The following ATP13A4 variants were observed in gnomAD, a reference collection of about 807,000 sequenced individuals.
The protein encoded by ATP13A4 is probable cation-transporting ATPase 13A4.
Under a neutral mutation model 142.5 loss-of-function variants are expected in ATP13A4, and 114 were observed. The ratio of observed to expected loss-of-function variants is 0.80; its 90% CI spans 0.69 to 0.93. ATP13A4 has a LOEUF of 0.93. ATP13A4 is among the 40% of genes least tolerant of loss of function. ATP13A4 has a pLI of 0.00. For missense variants in ATP13A4, 1,392 were observed against 1,454.0 expected, an observed-to-expected ratio of 0.96 and a Z score of 0.69; for synonymous variants, 488 against 514.8, an observed-to-expected ratio of 0.95 and a Z score of 0.70.
chr3:193,531,315 G>GGAGGGGAGGAAGGGA (rs760523129), intron 1 of ATP13A4, among the ~76,000 whole-genome samples: 1 of 92,732 alleles, frequency 1.1e-5, no homozygotes, highest in Non-Finnish European at 2.3e-5. Context: ...AGGAAGGAAG[G>GGAGGGGAGGAAGGGA]AAGGAAGGAA....
chr3:193,572,617 A>G (rs1289852533), intron 2 of ATP13A4, among the ~76,000 whole-genome samples: 1 of 152,178 alleles, frequency 6.6e-6, no homozygotes, highest in Non-Finnish European at 1.5e-5. Context: ...GACAGCCTGC[A>G]AGCTTCAGTC....
chr3:193,429,180 C>A (rs1175414276), intron 25 of ATP13A4, among the ~76,000 whole-genome samples: 1 of 152,030 alleles, frequency 6.6e-6, no homozygotes. Flanking sequence ...GGCTGTGAAG[C>A]AATTAGACCC....
intron 8 of ATP13A4, among the ~76,000 whole-genome samples, chr3:193,474,322 CAAAAAAAAAA>C (rs1176133187): frequency 1.4e-5 from 1 of 69,090 alleles, no homozygotes; most frequent in Non-Finnish European, 2.8e-5. Context: ...GACTCCGTCT[CAAAAAAAAAA>C]AAAAAAAAAA....
chr3:193,527,138 C>T (rs1215896052), intron 1 of ATP13A4, among the ~76,000 whole-genome samples: 5 of 152,132 alleles, frequency 3.3e-5, no homozygotes, highest in Non-Finnish European at 7.3e-5. Context: ...ATCTAAACTC[C>T]GCTGCTATTA....
At chr3:193,554,578 A>T in intron 1 of ATP13A4, 162 bp downstream of exon 1, 2 of 861,560 alleles carry the variant, frequency 2.3e-6, no homozygotes, top group Non-Finnish European at 3.8e-6. Context: ...GGATAGAGAG[A>T]TTTCTCAAAC....
chr3:193,507,288 T>C (rs1720909400), intron 2 of ATP13A4, among the ~76,000 whole-genome samples: 2 of 152,316 alleles, frequency 1.3e-5, no homozygotes, highest in East Asian at 1.9e-4. Flanking sequence ...ACTGCCTTTA[T>C]AGACCCATAA....
At chr3:193,571,830 T>G (rs1055716927) in intron 2 of ATP13A4, among the ~76,000 whole-genome samples, 1 of 151,956 alleles carries the variant, frequency 6.6e-6, no homozygotes, top group Non-Finnish European at 1.5e-5. Context: ...TCCTGGTACA[T>G]GAAAAGGACA....
At chr3:193,471,128 T>C (rs1576997704) in intron 8 of ATP13A4, 135 bp from the exon 9 acceptor site, 5 of 1,189,928 alleles carry the variant, frequency 4.2e-6, no homozygotes, top group East Asian at 2.4e-5. Context: ...TTCCTCAACA[T>C]TGATTCAAAA....
At chr3:193,448,379 G>A in intron 17 of ATP13A4, 49 bp from the exon 18 acceptor site, 1 of 1,605,506 alleles carries the variant, frequency 6.2e-7, no homozygotes, top group East Asian at 2.2e-5. Flanking sequence ...ACATATTACA[G>A]CTTTTTTTTT....
At chr3:193,441,646 AT>A in intron 19 of ATP13A4, 58 bp from the exon 20 acceptor site, 1 of 1,585,362 alleles carries the variant, frequency 6.3e-7, no homozygotes, top group Non-Finnish European at 8.6e-7. Context: ...GGTTAGAACC[AT>A]AAGCATATCT....
At chr3:193,504,214 A>C (rs757066189) in intron 2 of ATP13A4, among the ~76,000 whole-genome samples, 2 of 152,178 alleles carry the variant, frequency 1.3e-5, no homozygotes, top group African/African-American at 2.4e-5. Context: ...GGAGTTAAGA[A>C]TGATGAGCCT....
intron 17 of ATP13A4, among the ~76,000 whole-genome samples, chr3:193,453,395 T>A (rs994029516): frequency 6.6e-6 from 1 of 152,118 alleles, no homozygotes; most frequent in Admixed American, 6.6e-5. Context: ...CGTAACAGCA[T>A]AAGCAGTGGT....
intron 25 of ATP13A4, among the ~76,000 whole-genome samples, chr3:193,430,628 G>C (rs555645211): frequency 6.6e-6 from 1 of 151,786 alleles, no homozygotes; most frequent in South Asian, 2.1e-4. Flanking sequence ...AAGATCCAAG[G>C]GGAGAGTATT....
chr3:193,505,608 C>G (rs1445757134), intron 2 of ATP13A4, among the ~76,000 whole-genome samples: 1 of 152,076 alleles, frequency 6.6e-6, no homozygotes, highest in African/African-American at 2.4e-5. Flanking sequence ...ATACATAATT[C>G]TGTATGATAC....
At chr3:193,527,626 A>G (rs1439399746) in intron 1 of ATP13A4, among the ~76,000 whole-genome samples, 20 of 149,730 alleles carry the variant, frequency 1.3e-4, no homozygotes, top group Non-Finnish European at 2.5e-4. Context: ...AAAAAAAAAA[A>G]GGGCAGCACT....
intron 1 of ATP13A4, among the ~76,000 whole-genome samples, chr3:193,550,733 C>A (rs1423058908): frequency 6.6e-6 from 1 of 152,066 alleles, no homozygotes; most frequent in Non-Finnish European, 1.5e-5. Context: ...GAAAAGAATT[C>A]AAAGGTTTTT....
chr3:193,490,449 G>C (rs938448014), intron 6 of ATP13A4, among the ~76,000 whole-genome samples: 1 of 152,226 alleles, frequency 6.6e-6, no homozygotes, highest in Non-Finnish European at 1.5e-5. Context: ...ATTAATGGGT[G>C]AGTTGAAGAC....
At chr3:193,503,048 A>C (rs544966333) in intron 2 of ATP13A4, among the ~76,000 whole-genome samples, 1 of 151,962 alleles carries the variant, frequency 6.6e-6, no homozygotes, top group Admixed American at 6.6e-5. Context: ...AGGGGGGGGA[A>C]CTATCACTTT....
At chr3:193,529,838 C>G (rs1381100566) in intron 1 of ATP13A4, among the ~76,000 whole-genome samples, 1 of 152,124 alleles carries the variant, frequency 6.6e-6, no homozygotes, top group Non-Finnish European at 1.5e-5. Context: ...AAGTTTGGCT[C>G]TAAACCAAAC....
Sources: allele counts gnomAD v4.1 joint callset (sites outside exome capture counted in the v4.1 genomes callset), GRCh38; gene constraint gnomAD v4.1.1; transcripts MANE v1.5; gene names NCBI Gene and HGNC (gene_info 2026-07-23, HGNC 2026-07-21).